GOPC: variants seen among roughly 807,000 people sequenced by gnomAD.
GOPC encodes the protein Golgi-associated PDZ and coiled-coil motif-containing protein.
A neutral mutation model predicts 51.2 loss-of-function variants in GOPC; 32 were observed. The observed-to-expected ratio is 0.63, with a 90% CI of 0.47 to 0.84. The LOEUF is 0.84. Ranked by LOEUF, GOPC falls within the 40% of genes least tolerant of loss-of-function variation. The pLI, the probability that GOPC is intolerant of heterozygous loss-of-function variation, is 0.00. For synonymous variants in GOPC, 190 were observed against 205.1 expected (o/e 0.93, Z 0.63); for missense variants, 441 against 555.5 (o/e 0.79, Z 2.07).
chr6:117,590,391 T>C (rs1009009677), intron 1 of GOPC, among the ~76,000 whole-genome samples: 7 of 151,930 alleles, frequency 4.6e-5, no homozygotes, highest in Admixed American at 1.3e-4. Context: ...GGCAACATAG[T>C]GAGACCCTGT....
chr6:117,561,286 C>T lies in GOPC; in HGVS notation c.*1968G>A, dbSNP rs961330814. On this transcript the variant is annotated 3_prime_UTR_variant, in exon 9 of 9. Transcript: ENST00000368498. ...AGTTTTAAAAAACCACCTCTTCATA[C>T]ACTTATTCGGTAGTTCTTGAAAATC... The T allele has an allele frequency of 1.3e-5, 3 of 223,894 alleles. No individual in the cohort carries two copies. Among genetic ancestry groups the T allele is most frequent in the Middle Eastern group, 2.8e-3 (2 of 720 alleles). The allele number at this position is 223,894 out of a possible 1,614,324, so 13.9% of individuals were successfully genotyped here.
In GOPC at chr6:117,602,169, C is replaced by A; in HGVS notation, c.120G>T (p.Glu40Asp). The change falls in exon 1 of 9, where the codon GAG (glutamate) becomes GAT (aspartate). Residue 40 changes from glutamate (E) to aspartate (D), a missense_variant. Transcript: ENST00000368498. ...MFRWLEVLEK[E>D]FDKAFVDVDL... ...CCACATCCACAAAAGCTTTGTCGAA[C>A]TCCTTCTCCAGCACCTCCAGCCACC... 6.2e-7 allele frequency: 1 copy of A among 1,613,780 alleles called. No homozygotes were observed. Among genetic ancestry groups the A allele is most frequent in the South Asian group, 1.1e-5 (1 of 91,078 alleles).
At chr6:117,570,301 C>A (rs1779784227) in intron 6 of GOPC, among the ~76,000 whole-genome samples, 1 of 151,256 alleles carries the variant, frequency 6.6e-6, no homozygotes. Context: ...AGAAACATTT[C>A]TACATTAAGC....
chr6:117,575,277 T>C lies in GOPC; in HGVS notation c.550A>G (p.Lys184Glu), dbSNP rs1389719849. The C allele has an allele frequency of 6.2e-7, 1 of 1,613,764 alleles. No individual in the cohort carries two copies. The highest frequency in any genetic ancestry group is 1.7e-5 in the Admixed American group (1 of 59,982). ...QLEAEVKLLR[K>E]ENEALRRHIA... ...TGTCTACGAAGGGCTTCATTCTCTT[T>C]TCTCAACAATTTCACTTCAGCTTCA... Residue 184 changes from lysine to glutamate, a missense_variant, in exon 4 of 9, where the codon AAA (lysine) becomes GAA (glutamate). By Grantham distance (56) the Lys-to-Glu change is moderately conservative (BLOSUM62 1). Transcript: ENST00000368498.
chr6:117,575,278 T>A lies in GOPC; in HGVS notation c.549A>T (p.Arg183Ser), dbSNP rs377281351. The A allele has an allele frequency of 4.3e-6, 7 of 1,613,824 alleles. No homozygotes were observed. Among genetic ancestry groups the A allele is most frequent in the Non-Finnish European group, 5.9e-6 (7 of 1,179,824 alleles). The change falls in exon 4 of 9, where the codon AGA (arginine) becomes AGT (serine). Residue 183 changes from arginine to serine, a missense_variant. Physicochemically the swap from Arg to Ser is moderately radical, Grantham distance 110. Transcript: ENST00000368498. ...GTCTACGAAGGGCTTCATTCTCTTT[T>A]CTCAACAATTTCACTTCAGCTTCAA... is the stretch of plus-strand genomic sequence containing the variant. ...AQLEAEVKLL[R>S]KENEALRRHI... is the part of the protein sequence containing the mutation.
chr6:117,571,310 A>C (rs749052006), intron 5 of GOPC, among the ~76,000 whole-genome samples: 4 of 152,204 alleles, frequency 2.6e-5, no homozygotes, highest in Admixed American at 6.5e-5. Flanking sequence ...TAAGATATAC[A>C]TTCATTTTAG....
intron 1 of GOPC, among the ~76,000 whole-genome samples, chr6:117,592,358 C>G (rs1051630469): frequency 6.6e-6 from 1 of 151,788 alleles, no homozygotes; most frequent in Non-Finnish European, 1.5e-5. Flanking sequence ...CAGAGTGAGA[C>G]TCTGTCAAAA....
At chr6:117,580,516 A>G (rs1779942260) in intron 1 of GOPC, among the ~76,000 whole-genome samples, 1 of 152,128 alleles carries the variant, frequency 6.6e-6, no homozygotes, top group Admixed American at 6.6e-5. Context: ...AGCTGAATAC[A>G]ATGAATGGCT....
chr6:117,591,192 G>T (rs974846415), intron 1 of GOPC, among the ~76,000 whole-genome samples: 4 of 152,124 alleles, frequency 2.6e-5, no homozygotes, highest in African/African-American at 9.7e-5. Flanking sequence ...TACCAATTCT[G>T]TAATCCTTAT....
Position 117,567,204 on chromosome 6 carries a change from G to T in GOPC, c.1078-170C>A, listed in dbSNP as rs569063803. Among the ~76,000 whole-genome samples the T allele has an allele frequency of 5.6e-4, 86 of 152,280 alleles. 1 individual carries two copies. Among genetic ancestry groups the T allele is most frequent in the African/African-American group, 1.9e-3 (80 of 41,570 alleles). On this transcript the variant is annotated intron_variant, in intron 7 of 8. Coordinates refer to ENST00000368498, the MANE Select transcript of GOPC (RefSeq NM_020399.4). ...TCTAAAGAGGTAGTGAGGCCATCATGTCTGATCAGCCTCGTGAATCCTCTC... is the reference window on the plus strand; with the variant it reads ...TCTAAAGAGGTAGTGAGGCCATCATTTCTGATCAGCCTCGTGAATCCTCTC...
intron 5 of GOPC, among the ~76,000 whole-genome samples, chr6:117,572,121 G>T (rs750314708): frequency 6.6e-6 from 1 of 152,124 alleles, no homozygotes; most frequent in Non-Finnish European, 1.5e-5. Flanking sequence ...CCAGTTGGAT[G>T]TATCTTGGAT....
rs1240874640 is a variant in GOPC, at chr6:117,560,633, T to A, written c.*2621A>T. 5.1e-6 allele frequency: 1 copy of A among 195,464 alleles called. No homozygotes were observed. Among genetic ancestry groups the A allele is most frequent in the East Asian group, 8.0e-5 (1 of 12,434 alleles). The allele number at this position is 195,464 out of a possible 1,614,324, so 12.1% of individuals were successfully genotyped here. A position where few individuals can be genotyped will look rare whatever the true frequency, so the allele number is the denominator to read the frequency against. On this transcript the variant is annotated 3_prime_UTR_variant, in exon 9 of 9. Transcript: ENST00000368498. The stretch of plus-strand genomic sequence containing the variant: ...TGTAATTATCAAGACTCACAAAATT[T>A]TCGTCTTTCTCAAATTTATTTTAAC...
chr6:117,577,419 TTAA>T, intron 3 of GOPC, 26 bp downstream of exon 3: 1 of 1,596,650 alleles, frequency 6.3e-7, no homozygotes, highest in Non-Finnish European at 8.6e-7. Flanking sequence ...GCGTGACATA[TTAA>T]AGCAAAACAG....
Position 117,563,201 on chromosome 6 carries a change from GC to G in GOPC, c.*52del. On this transcript the variant is annotated 3_prime_UTR_variant, in exon 9 of 9. Coordinates refer to ENST00000368498, the MANE Select transcript of GOPC (RefSeq NM_020399.4). ...AGTCTTTGTCACCATCTTCCCCAGT[GC>G]CCCAAATTCAGAATAGTCTGATTAA... 6.5e-7 allele frequency: 1 copy of G among 1,544,326 alleles called. No individual in the cohort carries two copies.
At chr6:117,577,370 C>T in intron 3 of GOPC, 78 bp downstream of exon 3, 3 of 1,282,328 alleles carry the variant, frequency 2.3e-6, no homozygotes. Flanking sequence ...CAATGAGTGA[C>T]AACATATAAT....
Position 117,563,241 on chromosome 6 carries a change from A to G in GOPC, c.*13T>C, listed in dbSNP as rs372672700. 28 of 1,609,192 alleles carry G rather than the reference A, an allele frequency of 1.7e-5. No homozygotes were observed. The African/African-American group carries it at 3.2e-4, about 18-fold the overall frequency. On this transcript the variant is annotated 3_prime_UTR_variant, in exon 9 of 9. Transcript: ENST00000368498. ...TAGTCTGATTAACAATCTTGTCTGG[A>G]GATATGGTCAATTTAATAAGATTTT...
At chr6:117,586,314 A>G (rs1780032674) in intron 1 of GOPC, among the ~76,000 whole-genome samples, 3 of 152,108 alleles carry the variant, frequency 2.0e-5, no homozygotes, top group Admixed American at 1.3e-4. Flanking sequence ...ATTGAGTACT[A>G]TATTAAATTT....
intron 1 of GOPC, among the ~76,000 whole-genome samples, chr6:117,590,190 C>T (rs1780095519): frequency 6.6e-6 from 1 of 152,176 alleles, no homozygotes. Flanking sequence ...TTCAAATAAA[C>T]ATTGAGTACT....
chr6:117,578,585 G>GCA (rs1211998016), intron 2 of GOPC, among the ~76,000 whole-genome samples: 1 of 151,816 alleles, frequency 6.6e-6, no homozygotes, highest in Non-Finnish European at 1.5e-5. Flanking sequence ...TCTGTTATAT[G>GCA]CAACTGAATT....
Sources: gnomAD v4.1 joint callset for allele counts (sites outside exome capture counted in the v4.1 genomes callset) on GRCh38, gnomAD v4.1.1 for gene constraint, MANE v1.5 for transcripts, NCBI Gene and HGNC (gene_info 2026-07-23, HGNC 2026-07-21) for gene names.